The following ENTPD5 variants were observed in gnomAD, a reference collection of about 807,000 sequenced individuals.
ENTPD5 encodes the protein nucleoside diphosphate phosphatase ENTPD5.
A neutral mutation model predicts 60.2 loss-of-function variants in ENTPD5; 49 were observed. The observed-to-expected ratio is 0.81, with a 90% CI of 0.65 to 1.03. The LOEUF (loss-of-function observed/expected upper bound fraction) is 1.03. Ranked by LOEUF, ENTPD5 falls within the 50% of genes least tolerant of loss-of-function variation. The pLI is 0.00. For missense variants in ENTPD5, 480 were observed against 507.6 expected (o/e 0.95, Z 0.52); for synonymous variants, 187 against 185.4 (o/e 1.01, Z -0.07).
Position 73,970,094 on chromosome 14 carries a change from G to A in ENTPD5, c.1116C>T (p.Gly372=), listed in dbSNP as rs184948732. Residue 372 remains glycine, a synonymous_variant, in exon 15 of 16, where the codon GGC becomes GGT. Coordinates refer to ENST00000334696, the MANE Select transcript of ENTPD5 (RefSeq NM_001249.5). ...TGAGATCCATGCACAGGAAAGGACT[G>A]CCTGAGGTGAAGTTTTCCAAGTTAT... is the stretch of plus-strand genomic sequence containing the variant. ...VCDNLENFTS[G]SPFLCMDLSY... is the part of the protein sequence containing the mutation. The A allele has an allele frequency of 1.2e-4, 192 of 1,613,862 alleles. No individual in the cohort carries two copies. The highest frequency in any genetic ancestry group is 2.7e-5 in the African/African-American group (2 of 75,052).
intron 3 of ENTPD5, among the ~76,000 whole-genome samples, chr14:73,999,454 C>A (rs1268926094): frequency 6.6e-6 from 1 of 151,698 alleles, no homozygotes; most frequent in African/African-American, 2.4e-5. Context: ...CAGGATTGCA[C>A]CCCAGCCTGG....
chr14:73,984,374 T>G (rs1030736418), intron 5 of ENTPD5, among the ~76,000 whole-genome samples: 8 of 152,218 alleles, frequency 5.3e-5, no homozygotes, highest in Non-Finnish European at 1.0e-4. Flanking sequence ...ACTAAACTGT[T>G]GTGTGCATGA....
chr14:73,961,786 C>T, downstream of ENTPD5: 1 of 1,614,180 alleles, frequency 6.2e-7, no homozygotes, highest in Non-Finnish European at 8.5e-7. Flanking sequence ...AGCGTCACAA[C>T]ACTGCTCTTC....
downstream of ENTPD5, chr14:73,956,928 G>A (rs2056461690): frequency 6.6e-6 from 1 of 151,920 alleles, no homozygotes; most frequent in Non-Finnish European, 1.5e-5. Context: ...ATAATATATT[G>A]GGTCATATGA....
chr14:73,984,613 G>A (rs2057823859), intron 5 of ENTPD5, among the ~76,000 whole-genome samples: 3 of 152,000 alleles, frequency 2.0e-5, no homozygotes. Flanking sequence ...ACTACAACAC[G>A]ATCACCTTTT....
intron 3 of ENTPD5, among the ~76,000 whole-genome samples, chr14:74,002,431 C>CTTAT (rs994400308): frequency 8.6e-5 from 13 of 151,930 alleles, no homozygotes; most frequent in African/African-American, 2.4e-4. Flanking sequence ...AAATCAAGAG[C>CTTAT]TTATTTATTT....
chr14:74,003,350 G>T, intron 3 of ENTPD5: 2 of 541,764 alleles, frequency 3.7e-6, no homozygotes, highest in Non-Finnish European at 7.0e-6. Flanking sequence ...AAATGGGCTA[G>T]GGTTTCTCTC....
chr14:73,962,840 T>C (rs530735145), downstream of ENTPD5: 41 of 757,636 alleles, frequency 5.4e-5, no homozygotes, highest in African/African-American at 6.3e-4. Flanking sequence ...TATGTATGTA[T>C]ATTTTTCTTT....
intron 6 of ENTPD5, among the ~76,000 whole-genome samples, chr14:73,979,002 G>C (rs2057560332): frequency 6.6e-6 from 1 of 152,056 alleles, no homozygotes; most frequent in Non-Finnish European, 1.5e-5. Context: ...CCTCTCTGAG[G>C]TTACCGCCTC....
chr14:73,988,955 C>T (rs991491479), intron 3 of ENTPD5, among the ~76,000 whole-genome samples: 1 of 152,142 alleles, frequency 6.6e-6, no homozygotes, highest in Non-Finnish European at 1.5e-5. Flanking sequence ...TCCTGAGTAG[C>T]TGGGATTACA....
intron 3 of ENTPD5, among the ~76,000 whole-genome samples, chr14:73,988,673 C>T (rs2058006153): frequency 6.6e-6 from 1 of 152,178 alleles, no homozygotes; most frequent in Non-Finnish European, 1.5e-5. Flanking sequence ...TCTCTCCACA[C>T]CCCACTAGCC....
At position 73,970,103 on chromosome 14, in the gene ENTPD5, G is replaced by C. The variant is rs373452136; in HGVS notation, c.1107C>G (p.Phe369Leu). 1 of 1,613,452 alleles carries C rather than the reference G, an allele frequency of 6.2e-7. No individual in the cohort carries two copies. The highest frequency in any genetic ancestry group is 1.3e-5 in the African/African-American group (1 of 74,908). The change falls in exon 15 of 16, where the codon TTC becomes TTG. Residue 369 changes from phenylalanine to leucine, a missense_variant. Transcript: ENST00000334696. ...TGCACAGGAAAGGACTGCCTGAGGT[G>C]AAGTTTTCCAAGTTATCACACACTG... ...AREVCDNLEN[F>L]TSGSPFLCMD...
chr14:73,961,634 A>G (rs2056739984), downstream of ENTPD5: 1 of 1,603,702 alleles, frequency 6.2e-7, no homozygotes, highest in Non-Finnish European at 8.5e-7. Flanking sequence ...ATCAGGGCCC[A>G]CAGTAGCAAG....
intron 3 of ENTPD5, among the ~76,000 whole-genome samples, chr14:73,993,971 A>C (rs541760508): frequency 5.9e-4 from 90 of 152,182 alleles, no homozygotes; most frequent in African/African-American, 2.1e-3. Context: ...CTAGTTGTTC[A>C]GTGTAAAACC....
intron 6 of ENTPD5, among the ~76,000 whole-genome samples, chr14:73,980,852 C>G (rs1047627734): frequency 6.6e-5 from 10 of 152,154 alleles, no homozygotes; most frequent in African/African-American, 1.9e-4. Context: ...AATCCCAGTA[C>G]TTTGGGAGGC....
chr14:74,015,989 G>C (rs995028461), intron 1 of ENTPD5, 59 bp from the exon 2 acceptor site: 3 of 152,126 alleles, frequency 2.0e-5, no homozygotes, highest in African/African-American at 7.2e-5. Flanking sequence ...CTTATTCCAA[G>C]TTTAAAAGCA....
At chr14:73,958,907 G>A, downstream of ENTPD5, 1 of 1,601,564 alleles carries the variant, frequency 6.2e-7, no homozygotes, top group Non-Finnish European at 8.5e-7. Context: ...AGGGAGCAGA[G>A]AAAAACTTCT....
chr14:73,958,868 AC>A (rs911489446), downstream of ENTPD5: 1 of 1,556,454 alleles, frequency 6.4e-7, no homozygotes, highest in Non-Finnish European at 8.7e-7. Context: ...TTATCCTGCC[AC>A]ACAACAATCA....
Position 73,983,222 on chromosome 14 carries a change from A to C in ENTPD5, c.298-61T>G. ...TCCATTTAGTGGCTGGCACTGGTCT[A>C]TTCTGTCAACATACTTTGTGGGAGC... On this transcript the variant is annotated intron_variant, in intron 5 of 15. Transcript: ENST00000334696. The C allele has an allele frequency of 4.6e-6, 7 of 1,518,130 alleles. No individual in the cohort carries two copies. In the South Asian group the frequency reaches 9.0e-5, roughly 20 times the overall value. 94.0% of individuals were successfully genotyped at this position (1,518,130 alleles called of 1,614,324 possible).
Sources: allele counts gnomAD v4.1 joint callset (sites outside exome capture counted in the v4.1 genomes callset), GRCh38; gene constraint gnomAD v4.1.1; transcripts MANE v1.5; gene names NCBI Gene and HGNC (gene_info 2026-07-23, HGNC 2026-07-21).